The following ANKLE2 variants were observed in gnomAD, a reference collection of about 807,000 sequenced individuals.
ANKLE2 encodes the protein ankyrin repeat and LEM domain-containing protein 2.
A neutral mutation model predicts 84.2 loss-of-function variants in ANKLE2; 55 were observed. The ratio of observed to expected loss-of-function variants is 0.65; its 90% CI spans 0.53 to 0.82. ANKLE2 has a LOEUF of 0.82. Ranked by LOEUF, ANKLE2 falls within the 40% of genes least tolerant of loss-of-function variation. ANKLE2 has a pLI of 0.00. For synonymous variants in ANKLE2, 551 were observed against 486.1 expected, an observed-to-expected ratio of 1.13 and a Z score of -1.76; for missense variants, 1,238 against 1,201.9, an observed-to-expected ratio of 1.03 and a Z score of -0.44.
At position 132,726,959 on chromosome 12, in the gene ANKLE2, A is replaced by G. The variant is rs1001363963; in HGVS notation, c.*283T>C. 5.7e-5 allele frequency: 25 copies of G among 437,950 alleles called. No homozygotes were observed. Among genetic ancestry groups the G allele is most frequent in the Admixed American group, 1.1e-4 (3 of 26,466 alleles). The allele number at this position is 437,950 out of a possible 1,614,324, so 27.1% of individuals were successfully genotyped here. On this transcript the variant is annotated 3_prime_UTR_variant, in exon 13 of 13. Coordinates refer to ENST00000357997, the MANE Select transcript of ANKLE2 (RefSeq NM_015114.3). ...CTGCCTCAGCGCCCTTTCCTCTGCT[A>G]TATTTCAGACCTAGAAATTGCCACC...
intron 11 of ANKLE2, among the ~76,000 whole-genome samples, chr12:132,728,405 T>C (rs2043755508): frequency 6.6e-6 from 1 of 152,144 alleles, no homozygotes; most frequent in African/African-American, 2.4e-5. Context: ...ATTTTTTGTA[T>C]TTTTATTAGA....
intron 1 of ANKLE2, chr12:132,758,355 GTC>G (rs1456086411): frequency 2.0e-5 from 3 of 151,968 alleles, no homozygotes; most frequent in Non-Finnish European, 4.4e-5. Context: ...GTTGCAGTGA[GTC>G]TCCAGCCTGG....
intron 5 of ANKLE2, among the ~76,000 whole-genome samples, chr12:132,744,004 G>A (rs976267746): frequency 7.2e-5 from 11 of 152,154 alleles, no homozygotes; most frequent in African/African-American, 1.4e-4. Context: ...CACTGCTGAC[G>A]ATGCTGCATC....
At chr12:132,732,917 T>C (rs2043912884) in intron 10 of ANKLE2, among the ~76,000 whole-genome samples, 1 of 142,842 alleles carries the variant, frequency 7.0e-6, no homozygotes, top group Non-Finnish European at 1.5e-5. Flanking sequence ...GCGCTCTGCA[T>C]CCTGGTGTCT....
At chr12:132,761,429 G>A (rs964146228) in intron 1 of ANKLE2, 189 bp downstream of exon 1, 7 of 444,758 alleles carry the variant, frequency 1.6e-5, no homozygotes, top group Non-Finnish European at 2.5e-5. Context: ...CCCCGGCCCG[G>A]GAAGCCAAGT....
rs141095715 is a variant in ANKLE2 at position 132,728,469 on chromosome 12, C to G, written c.2484-306G>C. 2.7e-3 allele frequency among the ~76,000 whole-genome samples: 409 copies of G among 152,292 alleles called. 1 individual carries two copies. Among genetic ancestry groups the G allele is most frequent in the African/African-American group, 8.9e-3 (371 of 41,570 alleles). ...GGTCTTGAACTCCTGACCTTGTGAT[C>G]CACCCACCTCGGCCTCCCAAAGTGC... On this transcript the variant is annotated intron_variant, in intron 11 of 12. Coordinates refer to ENST00000357997, the MANE Select transcript of ANKLE2 (RefSeq NM_015114.3).
intron 1 of ANKLE2, chr12:132,758,781 A>AT (rs2044537537): frequency 6.6e-6 from 1 of 152,314 alleles, no homozygotes; most frequent in Admixed American, 6.5e-5. Context: ...TCGGCCTCCC[A>AT]AAGTGCTGGG....
intron 7 of ANKLE2, among the ~76,000 whole-genome samples, chr12:132,739,147 C>T (rs2044071900): frequency 6.6e-6 from 1 of 152,112 alleles, no homozygotes; most frequent in African/African-American, 2.4e-5. Context: ...GGAAAAACTA[C>T]CTCCTGGGTA....
At chr12:132,760,451 G>C (rs1285882110) in intron 1 of ANKLE2, 4 of 152,136 alleles carry the variant, frequency 2.6e-5, no homozygotes, top group African/African-American at 7.2e-5. Flanking sequence ...ACAGGTTAAC[G>C]GCTCAGCCCC....
At position 132,725,640 on chromosome 12, in the gene ANKLE2, A is replaced by G. The variant is rs1378909256; in HGVS notation, c.*1602T>C. ...GTCAAAGGTGGCCTAAGACCTGGGA[A>G]ATCAGGAGCAGTGGTCCACATACAA... is the stretch of plus-strand genomic sequence containing the variant. On this transcript the variant is annotated 3_prime_UTR_variant, in exon 13 of 13. Coordinates refer to ENST00000357997, the MANE Select transcript of ANKLE2 (RefSeq NM_015114.3). 1 of 152,256 alleles carries G rather than the reference A, an allele frequency of 6.6e-6. No homozygotes were observed. The highest frequency in any genetic ancestry group is 1.5e-5 in the Non-Finnish European group (1 of 68,042). 9.4% of individuals were successfully genotyped at this position (152,256 alleles called of 1,614,324 possible).
At position 132,725,848 on chromosome 12, in the gene ANKLE2, A is replaced by C. The variant is rs2043690002; in HGVS notation, c.*1394T>G. On this transcript the variant is annotated 3_prime_UTR_variant, in exon 13 of 13. Transcript: ENST00000357997. Reference sequence around the variant, plus strand: ...CATGTGTTGTTTCTGTCTGGGATCTAGATCTTGTCTGCTACAAAACAAATG... The same window carrying C: ...CATGTGTTGTTTCTGTCTGGGATCTCGATCTTGTCTGCTACAAAACAAATG... The C allele has an allele frequency of 6.6e-6, 1 of 152,242 alleles. No individual in the cohort carries two copies. The highest frequency in any genetic ancestry group is 1.5e-5 in the Non-Finnish European group (1 of 68,040). 9.4% of individuals were successfully genotyped at this position (152,242 alleles called of 1,614,324 possible).
chr12:132,753,130 G>C (rs1018085250), intron 2 of ANKLE2, among the ~76,000 whole-genome samples: 1 of 152,024 alleles, frequency 6.6e-6, no homozygotes, highest in African/African-American at 2.4e-5. Flanking sequence ...GGGCAACATG[G>C]GGAAACATTG....
chr12:132,758,441 T>A (rs2044530359), intron 1 of ANKLE2: 1 of 152,032 alleles, frequency 6.6e-6, no homozygotes, highest in Non-Finnish European at 1.5e-5. Flanking sequence ...GAAGTATCAG[T>A]ATGATCACAA....
intron 3 of ANKLE2, among the ~76,000 whole-genome samples, chr12:132,750,220 A>AG (rs898722371): frequency 1.0e-4 from 15 of 150,460 alleles, no homozygotes; most frequent in Non-Finnish European, 1.6e-4. Context: ...AAAAAAAAAA[A>AG]AAAAGAAAAA....
chr12:132,739,702 C>T (rs1473818078), intron 7 of ANKLE2, among the ~76,000 whole-genome samples: 1 of 152,178 alleles, frequency 6.6e-6, no homozygotes, highest in South Asian at 2.1e-4. Flanking sequence ...TTCACACAAG[C>T]GTGGGTCTCT....
intron 10 of ANKLE2, among the ~76,000 whole-genome samples, chr12:132,732,542 T>C (rs1293804209): frequency 7.1e-6 from 1 of 140,086 alleles, no homozygotes; most frequent in African/African-American, 2.7e-5. Flanking sequence ...CTCTGCATGC[T>C]GGTGTCTGAT....
In ANKLE2 at chr12:132,743,342, AAT is replaced by A. The variant is rs2044169212; in HGVS notation, c.1231-68_1231-67del. 6.8e-7 allele frequency: 1 copy of A among 1,480,540 alleles called. No individual in the cohort carries two copies. Among genetic ancestry groups the A allele is most frequent in the African/African-American group, 1.4e-5 (1 of 70,724 alleles). The allele number at this position is 1,480,540 out of a possible 1,614,324, so 91.7% of individuals were successfully genotyped here. On this transcript the variant is annotated intron_variant, in intron 5 of 12. Coordinates refer to ENST00000357997, the MANE Select transcript of ANKLE2 (RefSeq NM_015114.3). The surrounding 1 kb of genome is among the most constrained non-coding windows in gnomAD (Gnocchi z 4.1). ...TCTCATGAGGTTGCTCTAAGGTGAA[AAT>A]ACATATTCATTCATTCATTCATTCA...
At chr12:132,741,625 A>T in intron 6 of ANKLE2, 140 bp from the exon 7 acceptor site, 3 of 825,852 alleles carry the variant, frequency 3.6e-6, no homozygotes, top group Non-Finnish European at 5.8e-6. Context: ...GCTCACACTC[A>T]GAAAACGTGT....
chr12:132,746,348 C>CAAAAAAAAAAAAA (rs566130639), intron 5 of ANKLE2, among the ~76,000 whole-genome samples: 109 of 66,450 alleles, frequency 1.6e-3, no homozygotes, highest in African/African-American at 3.4e-3. Flanking sequence ...GACTCTGTCT[C>CAAAAAAAAAAAAA]AAAAAAAAAA....
Sources: gnomAD v4.1 joint callset for allele counts (sites outside exome capture counted in the v4.1 genomes callset) on GRCh38, gnomAD v4.1.1 for gene constraint, Gnocchi (gnomAD v3.1) non-coding constraint, MANE v1.5 for transcripts, NCBI Gene and HGNC (gene_info 2026-07-23, HGNC 2026-07-21) for gene names.